The following LRGUK variants were observed in gnomAD, a reference collection of about 807,000 sequenced individuals.
LRGUK encodes the protein leucine rich repeats and guanylate kinase domain containing.
In LRGUK, 65 loss-of-function variants were observed where a neutral mutation model predicts 76.0. The ratio of observed to expected loss-of-function variants is 0.85; its 90% CI spans 0.70 to 1.05. The LOEUF (loss-of-function observed/expected upper bound fraction) is 1.05. LRGUK is among the 50% of genes least tolerant of loss of function. LRGUK has a pLI of 0.00. For synonymous variants in LRGUK, 268 were observed against 265.6 expected, an observed-to-expected ratio of 1.01 and a Z score of -0.09; for missense variants, 758 against 732.8, an observed-to-expected ratio of 1.03 and a Z score of -0.40.
At chr7:134,276,036 C>A in the LRGUK span, among the ~76,000 whole-genome samples, 1 of 152,166 alleles carries the variant, frequency 6.6e-6, no homozygotes, top group Non-Finnish European at 1.5e-5. Flanking sequence ...GACCCTAAGA[C>A]CTTAAGTCAA....
chr7:134,200,123 G>A lies in LRGUK; in HGVS notation c.1747+702G>A, dbSNP rs756556300. On this transcript the variant is annotated intron_variant, in intron 14 of 15. Transcript: ENST00000645682. Reference sequence around the variant, plus strand: ...TTGGTTCACTACAACCTCTTCCTCCGCCTCCCAGGTTCAAGCAATAGATCT... The same window carrying A: ...TTGGTTCACTACAACCTCTTCCTCCACCTCCCAGGTTCAAGCAATAGATCT... 4.1e-5 allele frequency among the ~76,000 whole-genome samples: 6 copies of A among 147,828 alleles called. No individual in the cohort carries two copies. In the South Asian group the frequency reaches 6.5e-4, roughly 16 times the overall value.
downstream of LRGUK, among the ~76,000 whole-genome samples, chr7:134,268,121 G>T (rs1217907893): frequency 6.6e-6 from 1 of 151,964 alleles, no homozygotes; most frequent in African/African-American, 2.4e-5. Context: ...CAGAAGAAAA[G>T]AATAAAGAGC....
chr7:134,257,985 G>A (rs994707902), intron 18 of LRGUK, among the ~76,000 whole-genome samples: 1 of 152,122 alleles, frequency 6.6e-6, no homozygotes, highest in Non-Finnish European at 1.5e-5. Context: ...TTATCATGAT[G>A]TCTTGCTCTT....
At chr7:134,250,005 A>G (rs1802406373) in intron 18 of LRGUK, among the ~76,000 whole-genome samples, 1 of 152,054 alleles carries the variant, frequency 6.6e-6, no homozygotes, top group South Asian at 2.1e-4. Flanking sequence ...TCAGGCACCT[A>G]TCCTTTAGCC....
intron 16 of LRGUK, among the ~76,000 whole-genome samples, chr7:134,243,801 A>C (rs1353365784): frequency 6.6e-6 from 1 of 152,190 alleles, no homozygotes; most frequent in African/African-American, 2.4e-5. Context: ...ACTTCAAACT[A>C]TACTACAAGG....
At chr7:134,189,673 T>C (rs1389386446) in intron 11 of LRGUK, among the ~76,000 whole-genome samples, 1 of 152,236 alleles carries the variant, frequency 6.6e-6, no homozygotes, top group Non-Finnish European at 1.5e-5. Context: ...GTAAAGGCTA[T>C]GCTAAGGGTT....
chr7:134,190,670 A>G (rs984075668), intron 11 of LRGUK, among the ~76,000 whole-genome samples: 1 of 152,196 alleles, frequency 6.6e-6, no homozygotes, highest in Non-Finnish European at 1.5e-5. Flanking sequence ...TAGAGGAGTT[A>G]TTTTTGTAGT....
chr7:134,153,985 G>A (rs1348819799), intron 5 of LRGUK, among the ~76,000 whole-genome samples: 1 of 152,170 alleles, frequency 6.6e-6, no homozygotes, highest in Non-Finnish European at 1.5e-5. Context: ...GTCAAGCATT[G>A]TGAACTACTG....
downstream of LRGUK, among the ~76,000 whole-genome samples, chr7:134,268,351 ATG>A (rs1802898597): frequency 6.6e-6 from 1 of 152,148 alleles, no homozygotes; most frequent in African/African-American, 2.4e-5. Context: ...AACTCTACAT[ATG>A]TAATTTGGCA....
downstream of LRGUK, among the ~76,000 whole-genome samples, chr7:134,266,874 C>T (rs2117240535): frequency 6.6e-6 from 1 of 152,070 alleles, no homozygotes; most frequent in South Asian, 2.1e-4. Flanking sequence ...AAACCAAAAA[C>T]AACACAAAAT....
rs573066834 is a variant in LRGUK at position 134,246,262 on chromosome 7, G to T, written c.1984-1294G>T. Among the ~76,000 whole-genome samples, 12 of 152,256 alleles carry T rather than the reference G, an allele frequency of 7.9e-5. No homozygotes were observed. The East Asian group carries it at 2.3e-3, about 29-fold the overall frequency. On this transcript the variant is annotated intron_variant, in intron 16 of 19. Transcript: ENST00000285928. Reference sequence around the variant, plus strand: ...CTGTTGTACATTAAAGTGGTTTGTTGAGGTCCTGCTTTGTGCTAAAGTCTG... The same window carrying T: ...CTGTTGTACATTAAAGTGGTTTGTTTAGGTCCTGCTTTGTGCTAAAGTCTG...
chr7:134,219,678 TTGTCTCTCTCTCTC>T (rs1461780833), intron 15 of LRGUK, among the ~76,000 whole-genome samples: 1 of 151,854 alleles, frequency 6.6e-6, no homozygotes, highest in South Asian at 2.1e-4. Context: ...TGCACCTCCT[TTGTCTCTCTCTCTC>T]TGTCTCTCTC....
At chr7:134,191,884 GTTT>G in intron 12 of LRGUK, 133 bp downstream of exon 12, 1 of 449,736 alleles carries the variant, frequency 2.2e-6, no homozygotes, top group Non-Finnish European at 3.8e-6. Flanking sequence ...TTTTTATGGG[GTTT>G]TTTTTTTTTC....
In LRGUK at chr7:134,158,142, A is replaced by G. The variant is rs201185823; in HGVS notation, c.778A>G (p.Ile260Val). The G allele has an allele frequency of 4.6e-5, 74 of 1,612,642 alleles. No individual in the cohort carries two copies. Among genetic ancestry groups the G allele is most frequent in the African/African-American group, 1.1e-4 (8 of 75,046 alleles). The change falls in exon 6 of 16, where the codon ATC (isoleucine) becomes GTC (valine). Residue 260 changes from isoleucine to valine, a missense_variant. Ile to Val is a conservative substitution (Grantham distance 29, BLOSUM62 3). Transcript: ENST00000645682. ...AATTAATGGCTTAAACAAGTTACCA[A>G]TCAAAATACTTTGTCTGGTGAGTCT...
chr7:134,227,129 G>A (rs1389206635), intron 16 of LRGUK, among the ~76,000 whole-genome samples: 1 of 151,832 alleles, frequency 6.6e-6, no homozygotes, highest in Non-Finnish European at 1.5e-5. Flanking sequence ...GGATGATCCT[G>A]AGAGGTGAAC....
At chr7:134,239,671 C>T (rs553333264) in intron 16 of LRGUK, among the ~76,000 whole-genome samples, 8 of 152,212 alleles carry the variant, frequency 5.3e-5, no homozygotes, top group Non-Finnish European at 7.3e-5. Flanking sequence ...CAGACTTAAA[C>T]GTCCCTGTCT....
At position 134,127,427 on chromosome 7, in the gene LRGUK, G is replaced by C; in HGVS notation, c.60G>C (p.Leu20Phe). 3 of 1,614,000 alleles carry C rather than the reference G, an allele frequency of 1.9e-6. No homozygotes were observed. In the South Asian group the frequency reaches 3.3e-5, roughly 18 times the overall value. ...GAGCTGCCTCTCTCCTGAGAGGCTT[G>C]GGCAGATCCCGAACTGGAGCCCGAT... Residue 20 changes from leucine to phenylalanine, a missense_variant, in exon 1 of 16, where the codon TTG becomes TTC. By Grantham distance (22) the Leu-to-Phe change is conservative (BLOSUM62 0). Transcript: ENST00000645682.
chr7:134,225,298 A>G (rs928119819), intron 16 of LRGUK, among the ~76,000 whole-genome samples: 13 of 152,118 alleles, frequency 8.5e-5, no homozygotes, highest in Non-Finnish European at 1.5e-4. Flanking sequence ...GAAAGGACCC[A>G]ATATCCCAGG....
intron 15 of LRGUK, among the ~76,000 whole-genome samples, chr7:134,220,680 C>G (rs545304470): frequency 1.5e-4 from 23 of 152,070 alleles, no homozygotes; most frequent in African/African-American, 5.1e-4. Context: ...GTGATCCTCC[C>G]ACCTTAGCCT....
Sources: gnomAD v4.1 joint callset for allele counts (sites outside exome capture counted in the v4.1 genomes callset) on GRCh38, gnomAD v4.1.1 for gene constraint, MANE v1.5 for transcripts, NCBI Gene and HGNC (gene_info 2026-07-23, HGNC 2026-07-21) for gene names.